The following CNTN1 variants were observed in gnomAD, a reference collection of about 807,000 sequenced individuals.
CNTN1 encodes the protein contactin-1.
Under a neutral mutation model 126.4 loss-of-function variants are expected in CNTN1, and 38 were observed. The observed-to-expected ratio is 0.30, with a 90% CI of 0.23 to 0.39. CNTN1 has a LOEUF of 0.39. Among genes scored for constraint, CNTN1 ranks in the 10% least tolerant of loss-of-function variants. CNTN1 has a pLI of 1.00. For missense variants in CNTN1, 1,009 were observed against 1,248.4 expected, an observed-to-expected ratio of 0.81 and a Z score of 2.89; for synonymous variants, 413 against 422.6, an observed-to-expected ratio of 0.98 and a Z score of 0.28.
At chr12:40,796,388 C>T (rs1796818448) in intron 1 of CNTN1, among the ~76,000 whole-genome samples, 1 of 151,988 alleles carries the variant, frequency 6.6e-6, no homozygotes, top group Non-Finnish European at 1.5e-5. Flanking sequence ...TAACATCAGC[C>T]TCACCACTAC....
At chr12:41,015,109 A>G (rs1948749071) in intron 18 of CNTN1, among the ~76,000 whole-genome samples, 2 of 152,208 alleles carry the variant, frequency 1.3e-5, no homozygotes, top group African/African-American at 4.8e-5. Flanking sequence ...TATTTAATAA[A>G]TGAATGTTTA....
chr12:41,008,975 G>A (rs7308370), intron 17 of CNTN1, among the ~76,000 whole-genome samples: 38,754 of 152,110 alleles, frequency 0.25, 5,375 homozygotes, highest in South Asian at 0.35. Flanking sequence ...TCAGCTGGTT[G>A]AGCACTTATG....
intron 1 of CNTN1, among the ~76,000 whole-genome samples, chr12:40,769,337 A>G (rs1939245734): frequency 6.6e-6 from 1 of 152,198 alleles, no homozygotes; most frequent in Non-Finnish European, 1.5e-5. Context: ...ACTAAATTCA[A>G]TCTTCTGATA....
At position 40,929,982 on chromosome 12, in the gene CNTN1, C is replaced by T. The variant is rs769590342; in HGVS notation, c.683C>T (p.Pro228Leu). Reference sequence around the variant, plus strand: ...AAGAGCGTGTTCAGCAAATTCATCCCACTCATTCCAATACCTGAACGTAAG... The same window carrying T: ...AAGAGCGTGTTCAGCAAATTCATCCTACTCATTCCAATACCTGAACGTAAG... ...ITKSVFSKFIPLIPIPERTTK... is the reference protein window; with the variant it reads ...ITKSVFSKFILLIPIPERTTK... Residue 228 changes from proline to leucine, a missense_variant, in exon 7 of 24, where the codon CCA (proline) becomes CTA (leucine). Coordinates refer to ENST00000551295, the MANE Select transcript of CNTN1 (RefSeq NM_001843.4). 1.2e-6 allele frequency: 2 copies of T among 1,611,192 alleles called. No homozygotes were observed. The highest frequency in any genetic ancestry group is 2.2e-5 in the South Asian group (2 of 91,022).
At chr12:40,861,547 G>C (rs1361450304) in intron 1 of CNTN1, among the ~76,000 whole-genome samples, 1 of 151,676 alleles carries the variant, frequency 6.6e-6, no homozygotes, top group Non-Finnish European at 1.5e-5. Context: ...GATTATTTAG[G>C]AATGTATCTT....
At chr12:41,031,424 G>A (rs777145886) in intron 23 of CNTN1, among the ~76,000 whole-genome samples, 164 of 152,200 alleles carry the variant, frequency 1.1e-3, no homozygotes, top group Middle Eastern at 3.4e-3. Context: ...TTATAATATA[G>A]TAAAATATTA....
At chr12:40,757,882 G>C (rs1239169645) in intron 1 of CNTN1, among the ~76,000 whole-genome samples, 1 of 151,580 alleles carries the variant, frequency 6.6e-6, no homozygotes, top group Non-Finnish European at 1.5e-5. Context: ...TTTTCTTATG[G>C]CTTGACAATA....
chr12:40,706,457 C>A (rs11177948), intron 1 of CNTN1, among the ~76,000 whole-genome samples: 2 of 151,776 alleles, frequency 1.3e-5, no homozygotes, highest in East Asian at 1.9e-4. Flanking sequence ...CTCACATAGC[C>A]TCTTTAACAC....
intron 16 of CNTN1, among the ~76,000 whole-genome samples, chr12:40,984,896 C>T (rs963160705): frequency 6.6e-6 from 1 of 151,826 alleles, no homozygotes; most frequent in East Asian, 1.9e-4. Context: ...TAGTTTTCTA[C>T]AATTACTTTT....
chr12:40,742,660 A>G (rs1299896964), intron 1 of CNTN1, among the ~76,000 whole-genome samples: 1 of 151,488 alleles, frequency 6.6e-6, no homozygotes, highest in East Asian at 1.9e-4. Context: ...CCTAATTTCT[A>G]TATCTTGTCT....
At chr12:41,041,598 T>C (rs1949411608) in intron 23 of CNTN1, among the ~76,000 whole-genome samples, 1 of 152,156 alleles carries the variant, frequency 6.6e-6, no homozygotes, top group South Asian at 2.1e-4. Context: ...TCAGAGCCTG[T>C]TATTGGTCTA....
chr12:40,847,918 G>T (rs1044722243), intron 1 of CNTN1, among the ~76,000 whole-genome samples: 1 of 152,176 alleles, frequency 6.6e-6, no homozygotes, highest in Non-Finnish European at 1.5e-5. Context: ...CATAAGAAGC[G>T]CACAATCTAG....
chr12:40,901,662 C>CTGT, intron 1 of CNTN1, among the ~76,000 whole-genome samples: 1 of 152,318 alleles, frequency 6.6e-6, no homozygotes, highest in South Asian at 2.1e-4. Context: ...GGGGCTAAGG[C>CTGT]TGTTGCCATC....
At chr12:40,855,948 G>A (rs1942892070) in intron 1 of CNTN1, among the ~76,000 whole-genome samples, 1 of 152,096 alleles carries the variant, frequency 6.6e-6, no homozygotes, top group Non-Finnish European at 1.5e-5. Context: ...TTTCTCAATA[G>A]CCATACCAGT....
intron 12 of CNTN1, among the ~76,000 whole-genome samples, chr12:40,940,330 A>T (rs1946224553): frequency 6.6e-6 from 1 of 152,124 alleles, no homozygotes; most frequent in Admixed American, 6.6e-5. Flanking sequence ...GACTTTTAAG[A>T]GATGAGACAT....
intron 15 of CNTN1, among the ~76,000 whole-genome samples, chr12:40,970,239 C>A (rs1947458366): frequency 6.6e-6 from 1 of 151,908 alleles, no homozygotes; most frequent in South Asian, 2.1e-4. Context: ...TCACAGCACC[C>A]CCTTTTCAGA....
chr12:40,970,878 T>C (rs1369483458), intron 15 of CNTN1, among the ~76,000 whole-genome samples: 1 of 152,190 alleles, frequency 6.6e-6, no homozygotes, highest in Non-Finnish European at 1.5e-5. Context: ...GTAGTTACAG[T>C]CCATACATTG....
intron 14 of CNTN1, among the ~76,000 whole-genome samples, chr12:40,949,418 A>ACCCC (rs538536696): frequency 1.2e-5 from 1 of 83,100 alleles, no homozygotes; most frequent in Admixed American, 1.3e-4. Context: ...TGCTATCCCT[A>ACCCC]CCCCCCCTCC....
At chr12:40,870,170 T>C (rs1459572739) in intron 1 of CNTN1, among the ~76,000 whole-genome samples, 1 of 149,530 alleles carries the variant, frequency 6.7e-6, no homozygotes, top group Non-Finnish European at 1.5e-5. Flanking sequence ...ATAAATCTCT[T>C]TTTTTTTTTT....
Sources: gnomAD v4.1 joint callset for allele counts (sites outside exome capture counted in the v4.1 genomes callset) on GRCh38, gnomAD v4.1.1 for gene constraint, MANE v1.5 for transcripts, NCBI Gene and HGNC (gene_info 2026-07-23, HGNC 2026-07-21) for gene names.